RGS16: variants seen among roughly 807,000 people sequenced by gnomAD.
RGS16 encodes regulator of G protein signaling 16.
A neutral mutation model predicts 18.1 loss-of-function variants in RGS16; 12 were observed. The ratio of observed to expected loss-of-function variants is 0.66; its 90% CI spans 0.42 to 1.07. The LOEUF is 1.07. RGS16 is among the 50% of genes least tolerant of loss of function. The probability of loss-of-function intolerance (pLI) is 0.00; values close to 1 mark genes in which losing one functional copy is unlikely to be tolerated. For synonymous variants in RGS16, 88 were observed against 102.0 expected, an observed-to-expected ratio of 0.86 and a Z score of 0.83; for missense variants, 238 against 249.2, an observed-to-expected ratio of 0.95 and a Z score of 0.30.
Position 182,600,188 on chromosome 1 carries a change from C to G in RGS16, c.*104G>C. 46 of 285,014 alleles carry G rather than the reference C, an allele frequency of 1.6e-4. No individual in the cohort carries two copies. The highest frequency in any genetic ancestry group is 5.1e-4 in the East Asian group (7 of 13,660). 17.7% of individuals were successfully genotyped at this position (285,014 alleles called of 1,614,324 possible). ...TTTTTTTTTTTTTTTTTTTTGTCCT[C>G]TTGCACTTGCTTTGCAGAACCTGCC... On this transcript the variant is annotated 3_prime_UTR_variant, in exon 5 of 5. Transcript: ENST00000367558.
chr1:182,602,210 C>T lies in RGS16; in HGVS notation c.221-78G>A, dbSNP rs12405383. On this transcript the variant is annotated intron_variant, in intron 3 of 4. Coordinates refer to ENST00000367558, the MANE Select transcript of RGS16 (RefSeq NM_002928.4). The stretch of plus-strand genomic sequence containing the variant: ...ATACAAGAAGAAAGGAAAGCAATTG[C>T]AATTAATGGCTCTATTTTTAGAACA... The T allele has an allele frequency of 7.6e-6, 11 of 1,452,736 alleles. No homozygotes were observed. The Admixed American group carries it at 2.0e-4, about 26-fold the overall frequency. 90.0% of individuals were successfully genotyped at this position (1,452,736 alleles called of 1,614,324 possible). A position where few individuals can be genotyped will look rare whatever the true frequency, so the allele number is the denominator to read the frequency against.
At chr1:182,601,509 A>AGGTGGCGC (rs996091114) in intron 4 of RGS16, among the ~76,000 whole-genome samples, 1 of 152,246 alleles carries the variant, frequency 6.6e-6, no homozygotes, top group African/African-American at 2.4e-5. Context: ...TCTTTCCACC[A>AGGTGGCGC]GGTGGCGCTG....
chr1:182,602,962 A>C (rs1252034238), intron 2 of RGS16, among the ~76,000 whole-genome samples: 1 of 152,184 alleles, frequency 6.6e-6, no homozygotes, highest in African/African-American at 2.4e-5. Context: ...ACGTGCAATG[A>C]ATCCCGAGGT....
chr1:182,599,920 T>C lies in RGS16; in HGVS notation c.*372A>G, dbSNP rs1226387056. The C allele has an allele frequency of 1.8e-5, 4 of 222,290 alleles. No homozygotes were observed. In the East Asian group the frequency reaches 4.2e-4, roughly 23 times the overall value. The allele number at this position is 222,290 out of a possible 1,614,324, so 13.8% of individuals were successfully genotyped here. A position where few individuals can be genotyped will look rare whatever the true frequency, so the allele number is the denominator to read the frequency against. ...ATCTGGATGTCTTTCCTCCTCTCAT[T>C]TTCATGGTTCCCTTTATCCACATGT... On this transcript the variant is annotated 3_prime_UTR_variant, in exon 5 of 5. Coordinates refer to ENST00000367558, the MANE Select transcript of RGS16 (RefSeq NM_002928.4).
chr1:182,604,242 G>A lies in RGS16; in HGVS notation c.18C>T (p.Ala6=). 1 of 1,551,758 alleles carries A rather than the reference G, an allele frequency of 6.4e-7. No individual in the cohort carries two copies. Among genetic ancestry groups the A allele is most frequent in the East Asian group, 2.4e-5 (1 of 41,012 alleles). The change falls in exon 1 of 5, where the codon GCC becomes GCT. Residue 6 remains alanine (A), a synonymous_variant. Coordinates refer to ENST00000367558, the MANE Select transcript of RGS16 (RefSeq NM_002928.4). ...TCTCCAGGCAGGTGGTGGGGAAGGC[G>A]GCCAGGGTGCGGCACATGGCTGCGG... is the stretch of plus-strand genomic sequence containing the variant. MCRTL[A]AFPTTCLERA...
rs1661882979 is a variant in RGS16 at position 182,602,489 on chromosome 1, A to G, written c.156-5T>C. On this transcript the variant is annotated splice_region_variant and splice_polypyrimidine_tract_variant and intron_variant, in intron 2 of 4. Transcript: ENST00000367558. ...ACATCTTCTGAGAAGTTTCTACTAA[A>G]AGACAAAAAGAAAAAAAAAGAGTAA... 1 of 1,612,226 alleles carries G rather than the reference A, an allele frequency of 6.2e-7. No individual in the cohort carries two copies. The highest frequency in any genetic ancestry group is 1.1e-5 in the South Asian group (1 of 90,768).
In RGS16 at chr1:182,604,286, T is replaced by C. The variant is rs757213545; in HGVS notation, c.-27A>G. ...GCTGCGGGCGCAGGGCAGCACGTAG[T>C]AGGCAGGATGGTGGCAGGCTCCAGG... On this transcript the variant is annotated 5_prime_UTR_variant, in exon 1 of 5. Coordinates refer to ENST00000367558, the MANE Select transcript of RGS16 (RefSeq NM_002928.4). 1.3e-6 allele frequency: 2 copies of C among 1,544,430 alleles called. No individual in the cohort carries two copies. Among genetic ancestry groups the C allele is most frequent in the South Asian group, 2.4e-5 (2 of 83,488 alleles).
chr1:182,601,118 C>T (rs893461958), intron 4 of RGS16, among the ~76,000 whole-genome samples: 1 of 152,220 alleles, frequency 6.6e-6, no homozygotes, highest in Non-Finnish European at 1.5e-5. Flanking sequence ...TTTGCTGCTT[C>T]CTGTGTTGGA....
intron 1 of RGS16, among the ~76,000 whole-genome samples, chr1:182,603,714 A>G (rs1571279932): frequency 6.6e-6 from 1 of 151,718 alleles, no homozygotes; most frequent in East Asian, 1.9e-4. Context: ...CTTCATCTTT[A>G]CTTTTTCCTT....
chr1:182,600,845 T>C (rs1010641032), intron 4 of RGS16, among the ~76,000 whole-genome samples: 18 of 152,236 alleles, frequency 1.2e-4, no homozygotes, highest in African/African-American at 4.3e-4. Flanking sequence ...GTCTCTCTGC[T>C]ACCTTACCCC....
chr1:182,603,430 G>A (rs1661900058), intron 1 of RGS16, 91 bp from the exon 2 acceptor site: 4 of 1,023,990 alleles, frequency 3.9e-6, no homozygotes, highest in Admixed American at 1.9e-5. Flanking sequence ...TCTGGGTGGT[G>A]CCACCCAAAC....
In RGS16 at chr1:182,604,230, G is replaced by A; in HGVS notation, c.30C>T (p.Thr10=). The change falls in exon 1 of 5, where the codon ACC becomes ACT. Residue 10 remains threonine, a synonymous_variant. Transcript: ENST00000367558. The part of the protein sequence containing the change: MCRTLAAFP[T]TCLERAKEFK... ...CCTCCCCTTACCTCTCCAGGCAGGT[G>A]GTGGGGAAGGCGGCCAGGGTGCGGC... The A allele has an allele frequency of 1.3e-6, 2 of 1,552,060 alleles. No individual in the cohort carries two copies. The highest frequency in any genetic ancestry group is 1.7e-6 in the Non-Finnish European group (2 of 1,147,140).
At chr1:182,601,693 C>T (rs1661865080) in intron 4 of RGS16, among the ~76,000 whole-genome samples, 1 of 152,168 alleles carries the variant, frequency 6.6e-6, no homozygotes, top group African/African-American at 2.4e-5. Context: ...TTTTGAGCCT[C>T]TAAAAACGGA....
chr1:182,603,147 G>T, intron 2 of RGS16, 82 bp downstream of exon 2: 1 of 999,218 alleles, frequency 1.0e-6, no homozygotes, highest in Non-Finnish European at 1.6e-6. Context: ...GCGTGTCCTG[G>T]CTTCTCCCTG....
chr1:182,603,483 C>T, intron 1 of RGS16, 144 bp from the exon 2 acceptor site: 1 of 636,906 alleles, frequency 1.6e-6, no homozygotes, highest in Non-Finnish European at 2.8e-6. Context: ...TGTCCCCAGG[C>T]CAAGAGTGCT....
chr1:182,604,117 GCGCCCCATCCCCGCGCCCACCCA>G, intron 1 of RGS16, 76 bp downstream of exon 1: 1 of 1,249,972 alleles, frequency 8.0e-7, no homozygotes, highest in South Asian at 1.3e-5. Flanking sequence ...CAAGCCTCTA[GCGCCCCATCCCCGCGCCCACCCA>G]GGTCCCCAGG....
At chr1:182,601,938 G>A (rs1442416969) in intron 4 of RGS16, 28 bp downstream of exon 4, 1 of 1,613,552 alleles carries the variant, frequency 6.2e-7, no homozygotes, top group Non-Finnish European at 8.5e-7. Flanking sequence ...GGGTCGTGAG[G>A]ATTCACTGGG....
At position 182,603,348 on chromosome 1, in the gene RGS16, C is replaced by A; in HGVS notation, c.45-9G>T. The A allele has an allele frequency of 6.2e-7, 1 of 1,605,722 alleles. No individual in the cohort carries two copies. Among genetic ancestry groups the A allele is most frequent in the Non-Finnish European group, 8.5e-7 (1 of 1,172,356 alleles). On this transcript the variant is annotated splice_polypyrimidine_tract_variant and intron_variant, in intron 1 of 4. Coordinates refer to ENST00000367558, the MANE Select transcript of RGS16 (RefSeq NM_002928.4). Reference sequence around the variant, plus strand: ...TCTTGAACTCTTTGGCTCTGAAAAACAAATCAGGAACATGAAAGCATTCTC... The same window carrying A: ...TCTTGAACTCTTTGGCTCTGAAAAAAAAATCAGGAACATGAAAGCATTCTC...
chr1:182,602,199 G>C, intron 3 of RGS16, 67 bp from the exon 4 acceptor site: 4 of 1,532,578 alleles, frequency 2.6e-6, no homozygotes. Context: ...AAGAAGAAAG[G>C]AAAGCAATTG....
Sources: allele counts gnomAD v4.1 joint callset (sites outside exome capture counted in the v4.1 genomes callset), GRCh38; gene constraint gnomAD v4.1.1; transcripts MANE v1.5; gene names NCBI Gene and HGNC (gene_info 2026-07-23, HGNC 2026-07-21).